The following RAPGEF4 variants were observed in gnomAD, a reference collection of about 807,000 sequenced individuals.
The protein encoded by RAPGEF4 is RAP guanine-nucleotide-exchange factor (GEF) 4.
Under a neutral mutation model 147.9 loss-of-function variants are expected in RAPGEF4, and 66 were observed. The ratio of observed to expected loss-of-function variants is 0.45; its 90% confidence interval spans 0.37 to 0.55. RAPGEF4 has a LOEUF of 0.55. Ranked by LOEUF, RAPGEF4 falls within the 20% of genes least tolerant of loss-of-function variation. The pLI is 0.00. For synonymous variants in RAPGEF4, 419 were observed against 442.7 expected, an observed-to-expected ratio of 0.95 and a Z score of 0.67; for missense variants, 1,071 against 1,257.3, an observed-to-expected ratio of 0.85 and a Z score of 2.24.
intron 1 of RAPGEF4, among the ~76,000 whole-genome samples, chr2:172,789,991 G>C (rs1391888255): frequency 6.6e-6 from 1 of 152,190 alleles, no homozygotes; most frequent in Non-Finnish European, 1.5e-5. Flanking sequence ...AAGTGAGATT[G>C]CTGGATGAAT....
chr2:172,970,652 A>T (rs916620888), intron 10 of RAPGEF4, among the ~76,000 whole-genome samples: 5 of 151,880 alleles, frequency 3.3e-5, no homozygotes, highest in African/African-American at 1.2e-4. Context: ...AAAAAGTGTC[A>T]CTTGTTTTGA....
At chr2:173,028,987 A>G (rs1696923666) in intron 25 of RAPGEF4, among the ~76,000 whole-genome samples, 1 of 152,216 alleles carries the variant, frequency 6.6e-6, no homozygotes, top group South Asian at 2.1e-4. Flanking sequence ...GCAGGTCTAC[A>G]GCCCTGCATT....
At position 172,961,169 on chromosome 2, in the gene RAPGEF4, C is replaced by G; in HGVS notation, c.639C>G (p.Ala213=). 1 of 1,613,354 alleles carries G rather than the reference C, an allele frequency of 6.2e-7. No homozygotes were observed. The highest frequency in any genetic ancestry group is 8.5e-7 in the Non-Finnish European group (1 of 1,179,306). Residue 213 remains alanine (A), a synonymous_variant, in exon 8 of 31, where the codon GCC becomes GCG. Coordinates refer to ENST00000397081, the MANE Select transcript of RAPGEF4 (RefSeq NM_007023.4). ...ILRAGKILRN[A]ILSRAPHMIR... The stretch of plus-strand genomic sequence containing the variant: ...GAGCTGGAAAAATTTTACGAAATGC[C>G]ATTCTCTCTCGAGCACCTCACATGA...
At chr2:172,975,056 G>A (rs182821177) in intron 10 of RAPGEF4, among the ~76,000 whole-genome samples, 130 of 152,322 alleles carry the variant, frequency 8.5e-4, no homozygotes, top group Non-Finnish European at 1.5e-3. Context: ...TTAAATACAG[G>A]ATGCCCGGTT....
chr2:173,036,185 A>G lies in RAPGEF4; in HGVS notation c.2761A>G (p.Ile921Val). 1 of 1,611,930 alleles carries G rather than the reference A, an allele frequency of 6.2e-7. No individual in the cohort carries two copies. Among genetic ancestry groups the G allele is most frequent in the Non-Finnish European group, 8.5e-7 (1 of 1,178,370 alleles). ...LTVAKLEPPL[I>V]PFMPLLIKDM... The stretch of plus-strand genomic sequence containing the variant: ...AGTAGCTAAGCTGGAACCTCCTCTC[A>G]TCCCCTTCATGCCTTTGCTCATTAA... The change falls in exon 28 of 31, where the codon ATC becomes GTC. Residue 921 changes from isoleucine to valine, a missense_variant. By Grantham distance (29) the Ile-to-Val change is conservative. Coordinates refer to ENST00000397081, the MANE Select transcript of RAPGEF4 (RefSeq NM_007023.4).
chr2:172,845,308 C>T (rs1467088159), intron 4 of RAPGEF4, among the ~76,000 whole-genome samples: 1 of 152,180 alleles, frequency 6.6e-6, no homozygotes, highest in African/African-American at 2.4e-5. Context: ...GCCTCTTATG[C>T]TTTCAGGGAG....
In RAPGEF4 at chr2:172,967,382, C is replaced by G; in HGVS notation, c.942C>G (p.Asp314Glu). ...AGGAGTGTGATGAGGAGCTCCAGGA[C>G]ACCATGCTGCTGCTGTCACAGATGG... ...EKKECDEELQ[D>E]TMLLLSQMGP... The change falls in exon 10 of 31, where the codon GAC becomes GAG. Residue 314 changes from aspartate (D) to glutamate (E), a missense_variant. Transcript: ENST00000397081. 6.2e-7 allele frequency: 1 copy of G among 1,612,028 alleles called. No homozygotes were observed. Among genetic ancestry groups the G allele is most frequent in the East Asian group, 2.2e-5 (1 of 44,866 alleles).
chr2:172,829,272 T>C (rs1426208819), intron 4 of RAPGEF4, among the ~76,000 whole-genome samples: 1 of 152,230 alleles, frequency 6.6e-6, no homozygotes, highest in Non-Finnish European at 1.5e-5. Flanking sequence ...GATACTGGCG[T>C]GGCAAGAGCT....
chr2:172,991,081 A>G (rs997988739), intron 15 of RAPGEF4, among the ~76,000 whole-genome samples, 156 bp downstream of exon 15: 3 of 152,358 alleles, frequency 2.0e-5, no homozygotes, highest in South Asian at 4.1e-4. Flanking sequence ...CTTGTGGAGT[A>G]TAATGTATCC....
chr2:172,967,094 A>G (rs1192836330), intron 9 of RAPGEF4, 167 bp from the exon 10 acceptor site: 4 of 640,944 alleles, frequency 6.2e-6, no homozygotes, highest in Non-Finnish European at 5.3e-6. Flanking sequence ...CCCCGAGGTC[A>G]TGTCTTCCAG....
At chr2:172,793,438 A>G (rs1159035989) in intron 1 of RAPGEF4, among the ~76,000 whole-genome samples, 1 of 152,184 alleles carries the variant, frequency 6.6e-6, no homozygotes, top group Admixed American at 6.5e-5. Context: ...CTCAGAATAA[A>G]TATATGCTAG....
At chr2:172,789,596 G>A (rs1346925698) in intron 1 of RAPGEF4, among the ~76,000 whole-genome samples, 3 of 152,146 alleles carry the variant, frequency 2.0e-5, no homozygotes, top group Admixed American at 6.6e-5. Flanking sequence ...TGAAACTCTA[G>A]GTCAGCTGAT....
intron 4 of RAPGEF4, among the ~76,000 whole-genome samples, chr2:172,880,774 AG>A (rs1696534013): frequency 6.6e-6 from 1 of 152,150 alleles, no homozygotes; most frequent in Admixed American, 6.5e-5. Context: ...TGTAAAATGG[AG>A]ATACCAAAGT....
At chr2:172,827,604 C>A (rs960031652) in intron 4 of RAPGEF4, among the ~76,000 whole-genome samples, 1 of 152,140 alleles carries the variant, frequency 6.6e-6, no homozygotes, top group Non-Finnish European at 1.5e-5. Flanking sequence ...CTGGAATTGA[C>A]CAGGACATAG....
At chr2:172,888,338 A>G (rs1254668203) in intron 4 of RAPGEF4, among the ~76,000 whole-genome samples, 1 of 152,244 alleles carries the variant, frequency 6.6e-6, no homozygotes, top group Non-Finnish European at 1.5e-5. Flanking sequence ...CATGATGCCC[A>G]GCTCTCCTGT....
intron 1 of RAPGEF4, among the ~76,000 whole-genome samples, chr2:172,757,629 T>C (rs992965571): frequency 2.6e-5 from 4 of 152,246 alleles, no homozygotes; most frequent in Admixed American, 2.6e-4. Context: ...CAAGTGCATG[T>C]ATTTGCCTTC....
chr2:172,821,968 C>T (rs1047761618), intron 4 of RAPGEF4: 10 of 1,613,284 alleles, frequency 6.2e-6, no homozygotes, highest in African/African-American at 1.3e-5. Flanking sequence ...AGGACGTATG[C>T]TCTACAAGGT....
At chr2:172,767,398 C>T (rs768946720) in intron 1 of RAPGEF4, among the ~76,000 whole-genome samples, 4 of 151,974 alleles carry the variant, frequency 2.6e-5, no homozygotes, top group South Asian at 2.1e-4. Context: ...AGGCTGGTCT[C>T]GAACTCCTGA....
intron 4 of RAPGEF4, among the ~76,000 whole-genome samples, chr2:172,865,957 C>T (rs909080356): frequency 3.9e-5 from 6 of 151,998 alleles, no homozygotes; most frequent in African/African-American, 9.7e-5. Context: ...TTTTTCCTCC[C>T]GTGACCCCTT....
Sources: gnomAD v4.1 joint callset for allele counts (sites outside exome capture counted in the v4.1 genomes callset) on GRCh38, gnomAD v4.1.1 for gene constraint, MANE v1.5 for transcripts, NCBI Gene and HGNC (gene_info 2026-07-23, HGNC 2026-07-21) for gene names.